PIP5K1B: variants seen among roughly 807,000 people sequenced by gnomAD.
PIP5K1B encodes the protein phosphatidylinositol-4-phosphate 5-kinase type 1 beta.
PIP5K1B carries 42 observed loss-of-function variants against 67.0 expected under a neutral mutation model. The ratio of observed to expected loss-of-function variants is 0.63; its 90% CI spans 0.49 to 0.81. The LOEUF is 0.81. Among genes scored for constraint, PIP5K1B ranks in the 30% least tolerant of loss-of-function variants. The pLI, the probability that PIP5K1B is intolerant of heterozygous loss-of-function variation, is 0.00. For synonymous variants in PIP5K1B, 214 were observed against 231.4 expected, an observed-to-expected ratio of 0.92 and a Z score of 0.68; for missense variants, 459 against 646.3, an observed-to-expected ratio of 0.71 and a Z score of 3.14.
chr9:68,830,029 C>G (rs1474254885), intron 4 of PIP5K1B, among the ~76,000 whole-genome samples: 1 of 151,972 alleles, frequency 6.6e-6, no homozygotes, highest in Admixed American at 6.6e-5. Context: ...TGTATGCGTC[C>G]CAACAGCAAC....
At chr9:68,792,255 CATT>C (rs75245643) in intron 2 of PIP5K1B, among the ~76,000 whole-genome samples, 16,494 of 152,176 alleles carry the variant, frequency 0.11, 1,073 homozygotes, top group Non-Finnish European at 0.16. Flanking sequence ...ATGCAGAGCA[CATT>C]ATAGTTACGC....
intron 2 of PIP5K1B, among the ~76,000 whole-genome samples, chr9:68,771,125 T>C (rs7035163): frequency 0.66 from 99,568 of 151,986 alleles, 33,049 homozygotes; most frequent in Non-Finnish European, 0.7. Context: ...TTTTTCACCC[T>C]GAAGAAATCA....
chr9:68,979,540 TA>T (rs1285140156), intron 14 of PIP5K1B, among the ~76,000 whole-genome samples: 3 of 1,502 alleles, frequency 2.0e-3, no homozygotes, highest in Non-Finnish European at 3.7e-3. Flanking sequence ...ATTTATATCC[TA>T]TCACACACAG....
chr9:68,905,484 G>C (rs979102169), intron 8 of PIP5K1B, among the ~76,000 whole-genome samples: 4 of 152,136 alleles, frequency 2.6e-5, no homozygotes, highest in African/African-American at 4.8e-5. Flanking sequence ...TGGAATTGAG[G>C]CTCCATACCT....
Position 68,823,509 on chromosome 9 carries a change from T to G in PIP5K1B, c.69+826T>G, listed in dbSNP as rs191276664. Among the ~76,000 whole-genome samples, 554 of 152,340 alleles carry G rather than the reference T, an allele frequency of 3.6e-3. 4 individuals are homozygous for G. The highest frequency in any genetic ancestry group is 0.013 in the African/African-American group (528 of 41,574). ...TTTTCTAAGCCGCTCAGATTTTATG[T>G]CTTCAGCCCATTTCACAAAAAGTCT... On this transcript the variant is annotated intron_variant, in intron 4 of 15. Coordinates refer to ENST00000265382, the MANE Select transcript of PIP5K1B (RefSeq NM_003558.4).
chr9:68,705,437 G>C lies in PIP5K1B; in HGVS notation c.-568G>C, dbSNP rs1028662752. 6.6e-6 allele frequency: 1 copy of C among 151,774 alleles called. No individual in the cohort carries two copies. The highest frequency in any genetic ancestry group is 1.5e-5 in the Non-Finnish European group (1 of 68,150). 9.4% of individuals were successfully genotyped at this position (151,774 alleles called of 1,614,324 possible). A position where few individuals can be genotyped will look rare whatever the true frequency, so the allele number is the denominator to read the frequency against. The stretch of plus-strand genomic sequence containing the variant: ...CGCTGCTCCGTCTGGCCGGAGGACC[G>C]GCGGGGAAGGAAGGGGAAAGCGGGG... On this transcript the variant is annotated 5_prime_UTR_variant, in exon 1 of 16. Coordinates refer to ENST00000265382, the MANE Select transcript of PIP5K1B (RefSeq NM_003558.4).
chr9:68,945,636 T>C (rs369617137), intron 14 of PIP5K1B, among the ~76,000 whole-genome samples: 10 of 152,254 alleles, frequency 6.6e-5, no homozygotes, highest in African/African-American at 2.2e-4. Flanking sequence ...AAGCCCTTTA[T>C]ACATATCAAG....
intron 5 of PIP5K1B, among the ~76,000 whole-genome samples, chr9:68,867,921 C>T (rs188094633): frequency 2.9e-4 from 44 of 152,226 alleles, no homozygotes; most frequent in Admixed American, 7.2e-4. Flanking sequence ...TTGCAGAATC[C>T]GTTTCCCCTA....
At chr9:68,896,436 G>A (rs1825090296) in intron 8 of PIP5K1B, among the ~76,000 whole-genome samples, 3 of 151,708 alleles carry the variant, frequency 2.0e-5, no homozygotes, top group Non-Finnish European at 2.9e-5. Flanking sequence ...CTGAGACCGC[G>A]AGGTCAAACC....
chr9:68,914,944 C>T (rs1328404054), intron 8 of PIP5K1B, among the ~76,000 whole-genome samples: 2 of 152,160 alleles, frequency 1.3e-5, no homozygotes, highest in Non-Finnish European at 2.9e-5. Context: ...GGAATGTTTA[C>T]TTCAAGCGAA....
intron 2 of PIP5K1B, among the ~76,000 whole-genome samples, chr9:68,757,135 C>T (rs997271254): frequency 6.6e-6 from 1 of 152,244 alleles, no homozygotes; most frequent in Middle Eastern, 3.4e-3. Flanking sequence ...CAGAAACAAG[C>T]ATCAATTTTT....
At chr9:68,919,443 T>G (rs747501321) in intron 9 of PIP5K1B, 36 bp from the exon 10 acceptor site, 2 of 990,852 alleles carry the variant, frequency 2.0e-6, no homozygotes, top group Middle Eastern at 2.2e-4. Flanking sequence ...TCTTATAATA[T>G]GTAATCAAAT....
At position 68,934,841 on chromosome 9, in the gene PIP5K1B, T is replaced by A. The variant is rs1210869058; in HGVS notation, c.1202-49T>A. 3.8e-6 allele frequency: 5 copies of A among 1,311,858 alleles called. No individual in the cohort carries two copies. The East Asian group carries it at 1.2e-4, about 33-fold the overall frequency. 81.3% of individuals were successfully genotyped at this position (1,311,858 alleles called of 1,614,324 possible). The stretch of plus-strand genomic sequence containing the variant: ...TATTCACTTTTAAATAAAATAGTAA[T>A]GTGATTTTACAGTAAATATCTGTAT... On this transcript the variant is annotated intron_variant, in intron 12 of 15. Coordinates refer to ENST00000265382, the MANE Select transcript of PIP5K1B (RefSeq NM_003558.4).
chr9:68,918,464 G>T (rs1489715678), intron 9 of PIP5K1B, among the ~76,000 whole-genome samples: 1 of 152,182 alleles, frequency 6.6e-6, no homozygotes, highest in Admixed American at 6.5e-5. Flanking sequence ...TGCCTAAGGG[G>T]ATTCTGTTGT....
intron 14 of PIP5K1B, among the ~76,000 whole-genome samples, chr9:68,956,196 CA>C (rs1828381306): frequency 1.3e-5 from 2 of 152,184 alleles, no homozygotes; most frequent in Non-Finnish European, 2.9e-5. Flanking sequence ...ATAGGCCGGG[CA>C]AGGTGGCTCA....
At position 68,886,092 on chromosome 9, in the gene PIP5K1B, G is replaced by C. The variant is rs186174052; in HGVS notation, c.319-2889G>C. On this transcript the variant is annotated intron_variant, in intron 6 of 15. Transcript: ENST00000265382. ...TACTCGGGAGGCTGAGGCAGGAGAA[G>C]GGTGTGAACCCGGGAGGCGGAGCTT... Among the ~76,000 whole-genome samples, 894 of 152,112 alleles carry C rather than the reference G, an allele frequency of 5.9e-3. 10 individuals carry two copies. The highest frequency in any genetic ancestry group is 0.021 in the African/African-American group (859 of 41,502).
At chr9:68,916,102 G>T (rs1367854720) in intron 8 of PIP5K1B, among the ~76,000 whole-genome samples, 1 of 152,188 alleles carries the variant, frequency 6.6e-6, no homozygotes, top group Non-Finnish European at 1.5e-5. Context: ...CCTTCAGGGT[G>T]TTTCCTAGCT....
At chr9:68,937,184 G>C (rs199737131) in intron 13 of PIP5K1B, among the ~76,000 whole-genome samples, 1 of 152,186 alleles carries the variant, frequency 6.6e-6, no homozygotes, top group Non-Finnish European at 1.5e-5. Flanking sequence ...CAGAAGAAAT[G>C]GTATCAGCTC....
At chr9:68,769,148 AG>A (rs1211992308) in intron 2 of PIP5K1B, among the ~76,000 whole-genome samples, 2 of 152,194 alleles carry the variant, frequency 1.3e-5, no homozygotes, top group African/African-American at 4.8e-5. Context: ...GAAGATTGAG[AG>A]GCTATCTTTG....
Sources: allele counts gnomAD v4.1 joint callset (sites outside exome capture counted in the v4.1 genomes callset), GRCh38; gene constraint gnomAD v4.1.1; transcripts MANE v1.5; gene names NCBI Gene and HGNC (gene_info 2026-07-23, HGNC 2026-07-21).